Variants in DMRT1 observed in about 807,000 individuals in gnomAD.
The protein encoded by DMRT1 is doublesex and mab-3 related transcription factor 1, also known as doublesex- and mab-3-related transcription factor 1.
Under a neutral mutation model 32.3 loss-of-function variants are expected in DMRT1, and 7 were observed. The observed-to-expected ratio is 0.22, with a 90% CI of 0.12 to 0.41. The LOEUF (loss-of-function observed/expected upper bound fraction) is 0.41. Among genes scored for constraint, DMRT1 ranks in the 10% least tolerant of loss-of-function variants. The probability of loss-of-function intolerance (pLI) is 1.00; values close to 1 mark genes in which losing one functional copy is unlikely to be tolerated. For synonymous variants in DMRT1, 278 were observed against 206.1 expected (o/e 1.35, Z -2.99); for missense variants, 625 against 500.5 (o/e 1.25, Z -2.37).
intron 4 of DMRT1, among the ~76,000 whole-genome samples, chr9:928,848 T>A (rs1019378822): frequency 7.9e-5 from 12 of 151,184 alleles, no homozygotes; most frequent in South Asian, 2.1e-4. Flanking sequence ...TTATTTATTT[T>A]TATTTATTTA....
At chr9:871,695 C>T (rs1245397410) in intron 2 of DMRT1, among the ~76,000 whole-genome samples, 2 of 148,724 alleles carry the variant, frequency 1.3e-5, no homozygotes, top group Admixed American at 6.6e-5. Context: ...AGGATGGTCT[C>T]AATCTCCTGA....
At chr9:848,082 A>G (rs1436512585) in intron 2 of DMRT1, among the ~76,000 whole-genome samples, 1 of 152,246 alleles carries the variant, frequency 6.6e-6, no homozygotes, top group African/African-American at 2.4e-5. Flanking sequence ...AATTCACAGA[A>G]TATCTTTAAA....
intron 4 of DMRT1, among the ~76,000 whole-genome samples, chr9:936,340 G>A (rs538592021): frequency 6.6e-6 from 1 of 152,204 alleles, no homozygotes; most frequent in Admixed American, 6.5e-5. Context: ...TGAAATACCT[G>A]CTTCATATTT....
intron 2 of DMRT1, 50 bp downstream of exon 2, chr9:847,193 C>T (rs944804235): frequency 9.4e-6 from 15 of 1,587,966 alleles, no homozygotes; most frequent in Admixed American, 3.4e-5. Context: ...TGAGGGAGGC[C>T]GAAGGGTTGC....
chr9:850,470 G>A (rs1839097773), intron 2 of DMRT1, among the ~76,000 whole-genome samples: 2 of 152,292 alleles, frequency 1.3e-5, no homozygotes, highest in East Asian at 1.9e-4. Flanking sequence ...TTTCATGGAG[G>A]TGAATGGTAA....
intron 3 of DMRT1, among the ~76,000 whole-genome samples, chr9:909,994 G>C (rs544927699): frequency 6.6e-6 from 1 of 152,188 alleles, no homozygotes; most frequent in Non-Finnish European, 1.5e-5. Flanking sequence ...ATTTACAGGT[G>C]TGAGCCATTG....
chr9:941,275 G>T (rs1307780063), intron 4 of DMRT1, among the ~76,000 whole-genome samples: 1 of 151,974 alleles, frequency 6.6e-6, no homozygotes, highest in Non-Finnish European at 1.5e-5. Flanking sequence ...CATCAACAGA[G>T]GGTGGACAAA....
intron 2 of DMRT1, among the ~76,000 whole-genome samples, chr9:879,733 T>G (rs1311413195): frequency 6.6e-6 from 1 of 152,232 alleles, no homozygotes; most frequent in Non-Finnish European, 1.5e-5. Flanking sequence ...GCTTCCAAGA[T>G]CAGACTAGAT....
intron 1 of DMRT1, among the ~76,000 whole-genome samples, chr9:844,686 A>G (rs56099204): frequency 0.04 from 6,036 of 150,434 alleles, 390 homozygotes; most frequent in African/African-American, 0.14. Context: ...CTAAAACAAC[A>G]TATAAATTGT....
chr9:842,054 G>A lies in DMRT1; in HGVS notation c.216G>A (p.Arg72=), dbSNP rs1460822987. 1 of 1,545,324 alleles carries A rather than the reference G, an allele frequency of 6.5e-7. No individual in the cohort carries two copies. The highest frequency in any genetic ancestry group is 8.7e-7 in the Non-Finnish European group (1 of 1,148,612). The change falls in exon 1 of 5, where the codon CGG becomes CGA. Residue 72 remains arginine (R), a synonymous_variant. Coordinates refer to ENST00000382276, the MANE Select transcript of DMRT1 (RefSeq NM_021951.3). ...GTGCCGGGAGCAAGAAGTCCCCGCG[G>A]CTGCCCAAGTGCGCACGCTGCAGGA... The part of the protein sequence containing the change: ...DLGAGSKKSP[R]LPKCARCRNH...
chr9:925,755 G>A (rs558804136), intron 4 of DMRT1, among the ~76,000 whole-genome samples: 39 of 152,118 alleles, frequency 2.6e-4, no homozygotes, highest in Non-Finnish European at 5.1e-4. Flanking sequence ...TAATTATCTG[G>A]ATAATGCTAT....
At chr9:921,786 C>A (rs2129803170) in intron 4 of DMRT1, among the ~76,000 whole-genome samples, 1 of 152,332 alleles carries the variant, frequency 6.6e-6, no homozygotes, top group East Asian at 1.9e-4. Context: ...GAGGGTGAGG[C>A]AGGAAGACCA....
At chr9:919,509 C>G (rs1188134325) in intron 4 of DMRT1, among the ~76,000 whole-genome samples, 1 of 152,146 alleles carries the variant, frequency 6.6e-6, no homozygotes, top group Admixed American at 6.6e-5. Flanking sequence ...AGGAGCCATT[C>G]CTTCTTTCCT....
chr9:954,504 G>C (rs553898572), intron 4 of DMRT1, among the ~76,000 whole-genome samples: 32 of 152,194 alleles, frequency 2.1e-4, no homozygotes, highest in African/African-American at 7.0e-4. Context: ...CTTAAGCTTC[G>C]AGTCTGAGCT....
chr9:875,010 C>G (rs1589484831), intron 2 of DMRT1, among the ~76,000 whole-genome samples: 1 of 151,506 alleles, frequency 6.6e-6, no homozygotes, highest in Non-Finnish European at 1.5e-5. Context: ...CGGGGTTTCA[C>G]TATGTTAGCC....
intron 3 of DMRT1, among the ~76,000 whole-genome samples, chr9:910,518 AT>A (rs200254733): frequency 0.04 from 6,007 of 149,042 alleles, 324 homozygotes; most frequent in East Asian, 0.17. Context: ...GGTATTTGGG[AT>A]TTTTTTTTTT....
chr9:919,856 CCAA>C lies in DMRT1; in HGVS notation c.967+2953_967+2955del, dbSNP rs1818299994. Among the ~76,000 whole-genome samples, 3 of 152,100 alleles carry C rather than the reference CCAA, an allele frequency of 2.0e-5. No homozygotes were observed. The South Asian group carries it at 6.2e-4, about 32-fold the overall frequency. On this transcript the variant is annotated intron_variant, in intron 4 of 4. Coordinates refer to ENST00000382276, the MANE Select transcript of DMRT1 (RefSeq NM_021951.3). ...TTCTGGATATATTTTAAAGATAGAA[CCAA>C]CAAGATTTGCTGTTGGTCTTTGGAT...
intron 2 of DMRT1, among the ~76,000 whole-genome samples, chr9:878,843 T>G (rs1251137472): frequency 6.6e-6 from 1 of 152,190 alleles, no homozygotes; most frequent in Non-Finnish European, 1.5e-5. Context: ...GTAGTAGTAT[T>G]TCTTTGCTAC....
chr9:943,562 A>G (rs1819146683), intron 4 of DMRT1, among the ~76,000 whole-genome samples: 1 of 152,232 alleles, frequency 6.6e-6, no homozygotes, highest in African/African-American at 2.4e-5. Flanking sequence ...GTTGTCTAAC[A>G]CTTACATCCT....
Sources: gnomAD v4.1 joint callset for allele counts (sites outside exome capture counted in the v4.1 genomes callset) on GRCh38, gnomAD v4.1.1 for gene constraint, MANE v1.5 for transcripts, NCBI Gene and HGNC (gene_info 2026-07-23, HGNC 2026-07-21) for gene names.